MAGI3: variants seen among roughly 807,000 people sequenced by gnomAD.
MAGI3 encodes the protein membrane associated guanylate kinase, WW and PDZ domain containing 3.
In MAGI3, 43 loss-of-function variants were observed where a neutral mutation model predicts 121.8. That is an observed-to-expected ratio of 0.35 (90% CI 0.28 to 0.46). MAGI3 has a LOEUF of 0.46. MAGI3 is among the 20% of genes least tolerant of loss of function. The probability of loss-of-function intolerance (pLI) is 1.00; values close to 1 mark genes in which losing one functional copy is unlikely to be tolerated. For missense variants in MAGI3, 1,547 were observed against 1,797.3 expected (o/e 0.86, Z 2.52); for synonymous variants, 553 against 639.3 (o/e 0.86, Z 2.04).
chr1:113,569,885 T>G (rs1204652404), intron 2 of MAGI3, among the ~76,000 whole-genome samples: 1 of 152,206 alleles, frequency 6.6e-6, no homozygotes, highest in Non-Finnish European at 1.5e-5. Context: ...ATTTTATTTT[T>G]TATTATACTT....
At chr1:113,573,695 A>G (rs1647447168) in intron 2 of MAGI3, among the ~76,000 whole-genome samples, 1 of 152,230 alleles carries the variant, frequency 6.6e-6, no homozygotes, top group South Asian at 2.1e-4. Flanking sequence ...AGTTCAGTAG[A>G]TGTCTATTAG....
intron 1 of MAGI3, among the ~76,000 whole-genome samples, chr1:113,490,083 T>C (rs1300191359): frequency 6.6e-6 from 1 of 152,106 alleles, no homozygotes; most frequent in Non-Finnish European, 1.5e-5. Context: ...CCAAGATACA[T>C]ACTCATCAGA....
chr1:113,647,681 A>G (rs746883325), intron 12 of MAGI3, among the ~76,000 whole-genome samples: 2 of 152,240 alleles, frequency 1.3e-5, no homozygotes, highest in Non-Finnish European at 2.9e-5. Context: ...GAATATATGT[A>G]TAGTTGACTT....
chr1:113,578,866 G>A, intron 2 of MAGI3, among the ~76,000 whole-genome samples: 1 of 151,880 alleles, frequency 6.6e-6, no homozygotes, highest in East Asian at 1.9e-4. Flanking sequence ...TTAAAAAATG[G>A]GGGAGAAAAT....
intron 16 of MAGI3, among the ~76,000 whole-genome samples, chr1:113,668,828 C>T (rs61820162): frequency 0.22 from 32,847 of 151,252 alleles, 4,461 homozygotes; most frequent in South Asian, 0.39. Context: ...ATGATCCACC[C>T]GCCTCAGCCT....
At chr1:113,531,125 C>T (rs1202160804) in intron 1 of MAGI3, among the ~76,000 whole-genome samples, 1 of 152,096 alleles carries the variant, frequency 6.6e-6, no homozygotes, top group Non-Finnish European at 1.5e-5. Context: ...AGAGGCTAAA[C>T]TGTGAGTTCT....
intron 6 of MAGI3, among the ~76,000 whole-genome samples, chr1:113,594,898 G>A (rs1208090464): frequency 1.3e-5 from 2 of 151,942 alleles, no homozygotes; most frequent in Non-Finnish European, 2.9e-5. Flanking sequence ...CCATAAGCTA[G>A]GTCTATCATG....
intron 1 of MAGI3, among the ~76,000 whole-genome samples, chr1:113,459,739 CAA>C (rs1654939406): frequency 6.6e-6 from 1 of 152,052 alleles, no homozygotes; most frequent in Non-Finnish European, 1.5e-5. Flanking sequence ...CTCAAAAATA[CAA>C]AGATAGGATT....
chr1:113,476,609 T>C (rs1655833841), intron 1 of MAGI3, among the ~76,000 whole-genome samples: 1 of 152,228 alleles, frequency 6.6e-6, no homozygotes, highest in Admixed American at 6.5e-5. Flanking sequence ...ATTTCTGTTC[T>C]TTTACATTTG....
chr1:113,405,781 C>T (rs1023979537), intron 1 of MAGI3, among the ~76,000 whole-genome samples: 13 of 152,028 alleles, frequency 8.6e-5, no homozygotes, highest in Admixed American at 7.2e-4. Flanking sequence ...CTCTGTACTC[C>T]GATTGCTTCT....
chr1:113,683,055 T>C lies in MAGI3; in HGVS notation c.3487T>C (p.Leu1163=), dbSNP rs1293358430. Residue 1163 remains leucine, a synonymous_variant, in exon 21 of 21, where the codon TTA becomes CTA. Coordinates refer to ENST00000307546, the MANE Select transcript of MAGI3 (RefSeq NM_001142782.2). The part of the protein sequence containing the change: ...RVQICEKAEE[L]KDIVPEKKST... ...TCAGATATGTGAAAAGGCAGAAGAATTAAAGGACATTGTGCCTGAAAAGAA... is the reference window on the plus strand; with the variant it reads ...TCAGATATGTGAAAAGGCAGAAGAACTAAAGGACATTGTGCCTGAAAAGAA... The C allele has an allele frequency of 3.1e-6, 5 of 1,613,762 alleles. No individual in the cohort carries two copies. The highest frequency in any genetic ancestry group is 4.2e-6 in the Non-Finnish European group (5 of 1,179,876).
chr1:113,654,370 G>A (rs777312459), intron 15 of MAGI3, among the ~76,000 whole-genome samples: 7 of 152,152 alleles, frequency 4.6e-5, no homozygotes, highest in Non-Finnish European at 1.0e-4. Context: ...GATAAATCGT[G>A]TATGTAGAAA....
chr1:113,651,301 A>G (rs1000306203), intron 14 of MAGI3, 95 bp downstream of exon 14: 62 of 1,187,714 alleles, frequency 5.2e-5, no homozygotes, highest in Non-Finnish European at 7.1e-5. Flanking sequence ...TATTACATTC[A>G]GTAGTATCTA....
intron 9 of MAGI3, among the ~76,000 whole-genome samples, chr1:113,630,189 T>C (rs1271458898): frequency 1.3e-5 from 2 of 152,056 alleles, no homozygotes. Flanking sequence ...TTCCCATTCT[T>C]CACCTTCCAC....
At position 113,416,202 on chromosome 1, in the gene MAGI3, G is replaced by T. The variant is rs187969411; in HGVS notation, c.316+24853G>T. Among the ~76,000 whole-genome samples the T allele has an allele frequency of 6.8e-5, 6 of 88,060 alleles. 1 individual carries two copies. Among genetic ancestry groups the T allele is most frequent in the Admixed American group, 6.7e-4 (5 of 7,448 alleles). The allele number at this position is 88,060 out of a possible 152,430, so 57.8% of individuals were successfully genotyped here. The stretch of plus-strand genomic sequence containing the variant: ...GACACATATTAATTATGTAATTAAT[G>T]ACACATATTATTATGTGTAATTAAT... On this transcript the variant is annotated intron_variant, in intron 1 of 20. Coordinates refer to ENST00000307546, the MANE Select transcript of MAGI3 (RefSeq NM_001142782.2).
At chr1:113,394,261 T>C (rs1419030340) in intron 1 of MAGI3, among the ~76,000 whole-genome samples, 1 of 152,244 alleles carries the variant, frequency 6.6e-6, no homozygotes, top group Non-Finnish European at 1.5e-5. Context: ...TCTGAAGCTT[T>C]TCCTGAATCA....
intron 2 of MAGI3, among the ~76,000 whole-genome samples, chr1:113,559,724 C>T (rs1660145471): frequency 6.6e-6 from 1 of 152,078 alleles, no homozygotes; most frequent in African/African-American, 2.4e-5. Context: ...CCCACCACCA[C>T]ACTTGGCTAA....
chr1:113,423,932 A>C (rs1652863920), intron 1 of MAGI3, among the ~76,000 whole-genome samples: 1 of 152,178 alleles, frequency 6.6e-6, no homozygotes, highest in Non-Finnish European at 1.5e-5. Context: ...CGCCACCCCA[A>C]GTGCTTGCAC....
chr1:113,556,620 G>A (rs970566269), intron 2 of MAGI3, among the ~76,000 whole-genome samples: 3 of 138,090 alleles, frequency 2.2e-5, no homozygotes, highest in Admixed American at 7.9e-5. Context: ...ATTCAATGAT[G>A]TGATTAGAGC....
Sources: allele counts gnomAD v4.1 joint callset (sites outside exome capture counted in the v4.1 genomes callset), GRCh38; gene constraint gnomAD v4.1.1; transcripts MANE v1.5; gene names NCBI Gene and HGNC (gene_info 2026-07-23, HGNC 2026-07-21).